Variants in MTMR7 observed in about 807,000 individuals in gnomAD.
The protein encoded by MTMR7 is myotubularin related protein 7.
MTMR7 carries 76 observed loss-of-function variants against 81.2 expected under a neutral mutation model. The observed-to-expected ratio is 0.94, with a 90% CI of 0.78 to 1.13. The LOEUF is 1.13. Ranked by LOEUF, MTMR7 falls within the 50% of genes most tolerant of loss-of-function variation. The probability of loss-of-function intolerance (pLI) is 0.00; values close to 1 mark genes in which losing one functional copy is unlikely to be tolerated. For missense variants in MTMR7, 1,044 were observed against 820.0 expected (o/e 1.27, Z -3.34); for synonymous variants, 372 against 289.8 (o/e 1.28, Z -2.88).
At chr8:17,388,330 G>T (rs933387248) in intron 1 of MTMR7, among the ~76,000 whole-genome samples, 1 of 152,108 alleles carries the variant, frequency 6.6e-6, no homozygotes, top group Admixed American at 6.6e-5. Flanking sequence ...AGAAAAAAGA[G>T]GTTAAAAGAA....
At chr8:17,378,369 G>T (rs1321217129) in intron 1 of MTMR7, among the ~76,000 whole-genome samples, 1 of 152,178 alleles carries the variant, frequency 6.6e-6, no homozygotes, top group African/African-American at 2.4e-5. Flanking sequence ...CCACCTCACA[G>T]TTTATACTAA....
intron 1 of MTMR7, among the ~76,000 whole-genome samples, chr8:17,403,405 C>A (rs1273198270): frequency 6.6e-6 from 1 of 152,114 alleles, no homozygotes; most frequent in Non-Finnish European, 1.5e-5. Context: ...GGATTTGTTT[C>A]TGGGTTTCTT....
At chr8:17,342,230 C>T (rs1481501076) in intron 5 of MTMR7, among the ~76,000 whole-genome samples, 1 of 152,178 alleles carries the variant, frequency 6.6e-6, no homozygotes, top group African/African-American at 2.4e-5. Context: ...ACAGATCCTA[C>T]CTTGCAGCTA....
At position 17,299,699 on chromosome 8, in the gene MTMR7, C is replaced by G. The variant is rs1816973587; in HGVS notation, c.*163G>C. The G allele has an allele frequency of 1.1e-6, 1 of 886,878 alleles. No individual in the cohort carries two copies. The highest frequency in any genetic ancestry group is 1.7e-6 in the Non-Finnish European group (1 of 589,182). 54.9% of individuals were successfully genotyped at this position (886,878 alleles called of 1,614,324 possible). On this transcript the variant is annotated 3_prime_UTR_variant, in exon 14 of 14. Transcript: ENST00000180173. Reference sequence around the variant, plus strand: ...GAAATGACTACGTCCTCTTCAGTATCTAAGAAATCAAGAACTGGGCACTTT... The same window carrying G: ...GAAATGACTACGTCCTCTTCAGTATGTAAGAAATCAAGAACTGGGCACTTT...
Position 17,385,010 on chromosome 8 carries a change from C to A in MTMR7, c.25-11770G>T, listed in dbSNP as rs79847168. 5.0e-3 allele frequency among the ~76,000 whole-genome samples: 762 copies of A among 152,290 alleles called. 6 individuals carry two copies. The highest frequency in any genetic ancestry group is 0.017 in the African/African-American group (716 of 41,558). ...CCTCTGGTATAATGAAGAAAAAATG[C>A]TGGTGGGATGCACACACAGGGATAT... On this transcript the variant is annotated intron_variant, in intron 1 of 13. Transcript: ENST00000180173.
chr8:17,364,021 ATTTT>A lies in MTMR7; in HGVS notation c.311-2751_311-2748del, dbSNP rs36217265. ...TTCTGGGGTAAAAAGTGTTGCTATT[ATTTT>A]TTTTTTTTTTTTTTTTTTTTTTCAG... On this transcript the variant is annotated intron_variant, in intron 3 of 13. Transcript: ENST00000180173. Among the ~76,000 whole-genome samples the A allele has an allele frequency of 1.1e-3, 75 of 71,044 alleles. 8 individuals carry two copies. The East Asian group carries it at 0.013, about 12-fold the overall frequency. The allele number at this position is 71,044 out of a possible 152,430, so 46.6% of individuals were successfully genotyped here. A position where few individuals can be genotyped will look rare whatever the true frequency, so the allele number is the denominator to read the frequency against.
rs1199710819 is a variant in MTMR7, at chr8:17,304,534, A to AT, written c.1353-16dup. On this transcript the variant is annotated splice_polypyrimidine_tract_variant and intron_variant, in intron 11 of 13. Coordinates refer to ENST00000180173, the MANE Select transcript of MTMR7 (RefSeq NM_004686.5). Reference sequence around the variant, plus strand: ...TTTCTTGAATCCTGTTATAAAGAAAATAAGTCTATAAATGACCTATTTTGG... The same window carrying AT: ...TTTCTTGAATCCTGTTATAAAGAAAATTAAGTCTATAAATGACCTATTTTGG... 2.5e-6 allele frequency: 4 copies of AT among 1,610,646 alleles called. No individual in the cohort carries two copies. The highest frequency in any genetic ancestry group is 3.4e-6 in the Non-Finnish European group (4 of 1,177,504).
chr8:17,298,928 C>G lies in MTMR7; in HGVS notation c.*934G>C, dbSNP rs1041861553. ...TTTCTAAAATGATAGATTACAAAAC[C>G]TATTCCCTTCATTAAACAGACATGA... On this transcript the variant is annotated 3_prime_UTR_variant, in exon 14 of 14. Coordinates refer to ENST00000180173, the MANE Select transcript of MTMR7 (RefSeq NM_004686.5). 2 of 152,140 alleles carry G rather than the reference C, an allele frequency of 1.3e-5. No individual in the cohort carries two copies. The highest frequency in any genetic ancestry group is 6.5e-5 in the Admixed American group (1 of 15,276). The allele number at this position is 152,140 out of a possible 1,614,324, so 9.4% of individuals were successfully genotyped here.
At chr8:17,314,125 C>T (rs1817933700) in intron 7 of MTMR7, among the ~76,000 whole-genome samples, 1 of 152,110 alleles carries the variant, frequency 6.6e-6, no homozygotes, top group Non-Finnish European at 1.5e-5. Context: ...TCAGGAGCTT[C>T]TTTTATTTAA....
rs547113159 is a variant in MTMR7, at chr8:17,301,314, G to T, written c.1620+840C>A. On this transcript the variant is annotated intron_variant, in intron 13 of 13. Transcript: ENST00000180173. ...TGAAGTGGTAAGGTTAGAAGGAAAA[G>T]AACAGAGTAAGTTTCAGGGAGGAAG... 1.6e-3 allele frequency among the ~76,000 whole-genome samples: 240 copies of T among 152,296 alleles called. 1 individual carries two copies. The highest frequency in any genetic ancestry group is 5.3e-3 in the African/African-American group (222 of 41,572).
intron 1 of MTMR7, among the ~76,000 whole-genome samples, chr8:17,408,449 G>A (rs1821655849): frequency 6.8e-6 from 1 of 147,970 alleles, no homozygotes; most frequent in Non-Finnish European, 1.5e-5. Flanking sequence ...CATTATTTCA[G>A]AAGACTTCCT....
At chr8:17,364,501 G>A (rs1380254643) in intron 3 of MTMR7, among the ~76,000 whole-genome samples, 1 of 152,116 alleles carries the variant, frequency 6.6e-6, no homozygotes, top group Non-Finnish European at 1.5e-5. Flanking sequence ...TCAACACACT[G>A]TGCAACAGAT....
At chr8:17,315,006 G>A (rs935074039) in intron 7 of MTMR7, among the ~76,000 whole-genome samples, 8 of 149,196 alleles carry the variant, frequency 5.4e-5, no homozygotes, top group African/African-American at 1.8e-4. Context: ...ATGATTCACA[G>A]AATCTATGGC....
At chr8:17,369,996 G>A (rs1414979159) in intron 3 of MTMR7, among the ~76,000 whole-genome samples, 1 of 151,986 alleles carries the variant, frequency 6.6e-6, no homozygotes, top group Non-Finnish European at 1.5e-5. Context: ...AAGCCACACA[G>A]AGAGGCAAGA....
At chr8:17,357,567 G>A (rs1409448866) in intron 4 of MTMR7, among the ~76,000 whole-genome samples, 1 of 151,910 alleles carries the variant, frequency 6.6e-6, no homozygotes, top group Non-Finnish European at 1.5e-5. Context: ...TTCCCTCATA[G>A]CTATCACAAA....
At chr8:17,373,736 A>C (rs73565128) in intron 1 of MTMR7, among the ~76,000 whole-genome samples, 3,431 of 152,298 alleles carry the variant, frequency 0.023, 138 homozygotes, top group African/African-American at 0.077. Flanking sequence ...CGGGAGAAAA[A>C]AGTATCAGAG....
intron 1 of MTMR7, among the ~76,000 whole-genome samples, chr8:17,385,323 T>C (rs1176921061): frequency 6.6e-6 from 1 of 152,014 alleles, no homozygotes; most frequent in Admixed American, 6.5e-5. Context: ...GCAAATCTCA[T>C]CTTCAATTGT....
intron 11 of MTMR7, 147 bp downstream of exon 11, chr8:17,305,610 C>T (rs938449861): frequency 2.8e-5 from 18 of 639,716 alleles, no homozygotes; most frequent in Non-Finnish European, 4.4e-5. Flanking sequence ...TGAAATGACA[C>T]CAGGAAAAAG....
intron 12 of MTMR7, among the ~76,000 whole-genome samples, chr8:17,303,440 G>A (rs900742966): frequency 1.3e-5 from 2 of 152,100 alleles, no homozygotes; most frequent in Non-Finnish European, 2.9e-5. Flanking sequence ...GAAAGAGATG[G>A]GGTTTCTGTT....
Sources: gnomAD v4.1 joint callset for allele counts (sites outside exome capture counted in the v4.1 genomes callset) on GRCh38, gnomAD v4.1.1 for gene constraint, MANE v1.5 for transcripts, NCBI Gene and HGNC (gene_info 2026-07-23, HGNC 2026-07-21) for gene names.